Variants in FARS2 observed in about 807,000 individuals in gnomAD.
FARS2 encodes phenylalanine--tRNA ligase, mitochondrial.
A neutral mutation model predicts 46.4 loss-of-function variants in FARS2; 40 were observed. The observed-to-expected ratio is 0.86, with a 90% CI of 0.67 to 1.12. The LOEUF is 1.12. FARS2 is among the 50% of genes most tolerant of loss of function. FARS2 has a pLI of 0.00. For synonymous variants in FARS2, 234 were observed against 214.9 expected (o/e 1.09, Z -0.78); for missense variants, 513 against 567.9 (o/e 0.90, Z 0.98).
chr6:5,337,202 A>G (rs1450575784), intron 1 of FARS2, among the ~76,000 whole-genome samples: 3 of 151,498 alleles, frequency 2.0e-5, no homozygotes, highest in Non-Finnish European at 2.9e-5. Flanking sequence ...ATATATATAT[A>G]TGGAGAGTGA....
intron 6 of FARS2, among the ~76,000 whole-genome samples, chr6:5,684,362 T>G (rs1296602509): frequency 2.6e-5 from 4 of 152,166 alleles, no homozygotes; most frequent in Non-Finnish European, 4.4e-5. Flanking sequence ...AAACTACAGC[T>G]GAGAAAGAGT....
chr6:5,362,722 T>A (rs952921355), intron 1 of FARS2, among the ~76,000 whole-genome samples: 1 of 152,180 alleles, frequency 6.6e-6, no homozygotes, highest in African/African-American at 2.4e-5. Context: ...TTCCTTTTTC[T>A]CCACATCCTC....
At chr6:5,719,293 G>A (rs1759717699) in intron 6 of FARS2, among the ~76,000 whole-genome samples, 1 of 151,322 alleles carries the variant, frequency 6.6e-6, no homozygotes, top group Non-Finnish European at 1.5e-5. Context: ...TGAGGTGGGA[G>A]GATCTCTTGG....
At position 5,686,887 on chromosome 6, in the gene FARS2, C is replaced by T. The variant is rs374374212; in HGVS notation, c.1217+73567C>T. 5.3e-5 allele frequency among the ~76,000 whole-genome samples: 8 copies of T among 152,262 alleles called. No homozygotes were observed. In the East Asian group the frequency reaches 7.7e-4, roughly 15 times the overall value. On this transcript the variant is annotated intron_variant, in intron 6 of 6. Transcript: ENST00000274680. Reference sequence around the variant, plus strand: ...TGTTGTTTCCTGACTTTTTAATGATCGCTATTCTAACTGGTGTGAGATGGT... The same window carrying T: ...TGTTGTTTCCTGACTTTTTAATGATTGCTATTCTAACTGGTGTGAGATGGT...
intron 5 of FARS2, among the ~76,000 whole-genome samples, chr6:5,567,761 TATG>T (rs1190154481): frequency 3.9e-5 from 6 of 152,244 alleles, no homozygotes; most frequent in Non-Finnish European, 8.8e-5. Context: ...TCTTTGAGTG[TATG>T]ATGAGACAGA....
intron 1 of FARS2, among the ~76,000 whole-genome samples, chr6:5,299,259 C>G (rs1383366025): frequency 6.6e-6 from 1 of 152,176 alleles, no homozygotes; most frequent in Non-Finnish European, 1.5e-5. Flanking sequence ...AGACTGTCAT[C>G]TCCTCTGGCG....
At chr6:5,456,376 T>G (rs1226858460) in intron 4 of FARS2, among the ~76,000 whole-genome samples, 2 of 152,128 alleles carry the variant, frequency 1.3e-5, no homozygotes, top group Non-Finnish European at 2.9e-5. Context: ...TACTATTTAG[T>G]CCCAATTTAT....
chr6:5,721,299 T>C (rs1305874214), intron 6 of FARS2, among the ~76,000 whole-genome samples: 2 of 152,238 alleles, frequency 1.3e-5, no homozygotes, highest in African/African-American at 4.8e-5. Context: ...TAAGTTGTTT[T>C]GGTTACCCCA....
intron 6 of FARS2, among the ~76,000 whole-genome samples, chr6:5,763,768 G>GTTTTT (rs77014974): frequency 1.5e-5 from 1 of 65,366 alleles, no homozygotes. Context: ...TTCCCTTTTG[G>GTTTTT]TTTTTTTTTT....
chr6:5,733,854 A>G (rs1016543818), intron 6 of FARS2, among the ~76,000 whole-genome samples: 1 of 152,214 alleles, frequency 6.6e-6, no homozygotes, highest in Non-Finnish European at 1.5e-5. Flanking sequence ...AACCCTGTGA[A>G]ATCACTAGCC....
chr6:5,333,032 A>C (rs1770907181), intron 1 of FARS2, among the ~76,000 whole-genome samples: 1 of 152,188 alleles, frequency 6.6e-6, no homozygotes, highest in Non-Finnish European at 1.5e-5. Flanking sequence ...TTAATCCATA[A>C]TATTTTGTCT....
At chr6:5,339,432 T>G (rs1771397123) in intron 1 of FARS2, among the ~76,000 whole-genome samples, 1 of 151,974 alleles carries the variant, frequency 6.6e-6, no homozygotes, top group African/African-American at 2.4e-5. Flanking sequence ...CCAGGAGACT[T>G]CTTTTTTTTT....
At chr6:5,415,342 T>C (rs555730937) in intron 3 of FARS2, among the ~76,000 whole-genome samples, 118 of 130,268 alleles carry the variant, frequency 9.1e-4, no homozygotes, top group African/African-American at 3.4e-3. Context: ...TGAGACAGAG[T>C]CTTGCTCTGT....
chr6:5,431,203 G>A (rs559278551), intron 4 of FARS2, 31 bp downstream of exon 4: 86 of 1,610,568 alleles, frequency 5.3e-5, no homozygotes, highest in Middle Eastern at 1.7e-4. Flanking sequence ...TTATTTACAC[G>A]TGCTCTAAAG....
chr6:5,718,058 C>T (rs563363341), intron 6 of FARS2, among the ~76,000 whole-genome samples: 23 of 151,992 alleles, frequency 1.5e-4, no homozygotes, highest in Admixed American at 1.3e-3. Flanking sequence ...GGATTACAGG[C>T]GTGTGCCACC....
chr6:5,661,626 A>G (rs752025086), intron 6 of FARS2, among the ~76,000 whole-genome samples: 95 of 152,216 alleles, frequency 6.2e-4, no homozygotes, highest in Non-Finnish European at 1.2e-3. Context: ...AGCCAATGAC[A>G]TGATCAACAA....
At chr6:5,349,631 C>T (rs1757447281) in intron 1 of FARS2, among the ~76,000 whole-genome samples, 1 of 152,248 alleles carries the variant, frequency 6.6e-6, no homozygotes, top group South Asian at 2.1e-4. Context: ...TAAGGAACCA[C>T]TATTGTTACA....
chr6:5,558,449 A>G (rs1771793716), intron 5 of FARS2, among the ~76,000 whole-genome samples: 1 of 152,144 alleles, frequency 6.6e-6, no homozygotes, highest in African/African-American at 2.4e-5. Context: ...TATAGTGGAT[A>G]GTTTAATTAT....
chr6:5,418,911 G>A (rs187793520), intron 3 of FARS2, among the ~76,000 whole-genome samples: 158 of 151,876 alleles, frequency 1.0e-3, no homozygotes, highest in African/African-American at 3.8e-3. Context: ...TTTTCATATG[G>A]AAGGGTAAAA....
Sources: allele counts gnomAD v4.1 joint callset (sites outside exome capture counted in the v4.1 genomes callset), GRCh38; gene constraint gnomAD v4.1.1; transcripts MANE v1.5; gene names NCBI Gene and HGNC (gene_info 2026-07-23, HGNC 2026-07-21).